Variants in TCOF1 observed in about 807,000 individuals in gnomAD.
The protein encoded by TCOF1 is treacle ribosome biogenesis factor 1.
A neutral mutation model predicts 149.0 loss-of-function variants in TCOF1; 33 were observed. The observed-to-expected ratio is 0.22, with a 90% confidence interval of 0.17 to 0.30. The LOEUF (loss-of-function observed/expected upper bound fraction) is 0.30. TCOF1 is among the 10% of genes least tolerant of loss of function. The pLI is 1.00. For missense variants in TCOF1, 1,728 were observed against 1,840.7 expected (o/e 0.94, Z 1.12); for synonymous variants, 789 against 738.8 (o/e 1.07, Z -1.10).
intron 14 of TCOF1, 104 bp downstream of exon 14, chr5:150,376,724 G>T (rs1763896310): frequency 1.7e-6 from 2 of 1,210,492 alleles, no homozygotes; most frequent in Non-Finnish European, 2.4e-6. Context: ...GTGTGCAGAA[G>T]CCTCAGAGGT....
intron 5 of TCOF1, 144 bp downstream of exon 5, chr5:150,369,046 C>A: frequency 9.0e-7 from 1 of 1,109,734 alleles, no homozygotes; most frequent in Admixed American, 2.0e-5. Context: ...TAGGACTTTT[C>A]TCATCACCTA....
chr5:150,398,320 C>T (rs1769009667), intron 24 of TCOF1, 34 bp from the exon 25 acceptor site: 2 of 1,612,286 alleles, frequency 1.2e-6, no homozygotes, highest in Non-Finnish European at 1.7e-6. Context: ...GGATTACCAT[C>T]TGTTGTTCAG....
chr5:150,374,926 T>C (rs1344695587), intron 9 of TCOF1, 28 bp from the exon 10 acceptor site: 2 of 1,611,510 alleles, frequency 1.2e-6, no homozygotes, highest in Non-Finnish European at 8.5e-7. Context: ...CCCTCTGGGC[T>C]CTCCCCTCAT....
chr5:150,366,267 T>C (rs924313893), intron 3 of TCOF1, among the ~76,000 whole-genome samples: 1 of 152,090 alleles, frequency 6.6e-6, no homozygotes, highest in Non-Finnish European at 1.5e-5. Context: ...AGGAGAATCA[T>C]GTGAGTCCAG....
Position 150,368,950 on chromosome 5 carries a change from G to T in TCOF1, c.565+48G>T, listed in dbSNP as rs1339814781. On this transcript the variant is annotated intron_variant, in intron 5 of 26. Transcript: ENST00000643257. The stretch of plus-strand genomic sequence containing the variant: ...AACCTAGTCCCCAGAACTTGGGCTG[G>T]TGAGGCAGGCCTAGGCATTGCTTTA... 3.1e-6 allele frequency: 5 copies of T among 1,605,602 alleles called. No homozygotes were observed. The South Asian group carries it at 5.5e-5, about 18-fold the overall frequency.
At chr5:150,384,253 A>C (rs904378053) in intron 17 of TCOF1, 58 of 990,830 alleles carry the variant, frequency 5.9e-5, no homozygotes, top group Admixed American at 2.4e-4. Flanking sequence ...ACCACCACCA[A>C]CATCGGTAAC....
chr5:150,379,153 A>T, intron 15 of TCOF1, 76 bp from the exon 16 acceptor site: 1 of 1,614,038 alleles, frequency 6.2e-7, no homozygotes, highest in Non-Finnish European at 8.5e-7. Flanking sequence ...ACCCACCCAG[A>T]GTTGTGCCAT....
At chr5:150,364,847 T>G (rs1219985730) in intron 3 of TCOF1, 1 of 153,520 alleles carries the variant, frequency 6.5e-6, no homozygotes, top group Middle Eastern at 3.2e-3. Flanking sequence ...TTGCATCGTA[T>G]TATCTTCTTT....
chr5:150,373,754 C>T (rs1426981478), intron 7 of TCOF1, among the ~76,000 whole-genome samples: 1 of 152,230 alleles, frequency 6.6e-6, no homozygotes, highest in Non-Finnish European at 1.5e-5. Context: ...GGCCTTTGCA[C>T]ACCCCCTCCC....
intron 19 of TCOF1, 25 bp downstream of exon 19, chr5:150,390,048 A>G: frequency 3.8e-6 from 6 of 1,589,330 alleles, no homozygotes; most frequent in Non-Finnish European, 5.1e-6. Context: ...AGGGAGGGTA[A>G]TGCAGGCCAG....
In TCOF1 at chr5:150,400,165, C is replaced by T. The variant is rs1379293623; in HGVS notation, c.*378C>T. On this transcript the variant is annotated 3_prime_UTR_variant, in exon 27 of 27. Coordinates refer to ENST00000643257, the MANE Select transcript of TCOF1 (RefSeq NM_001371623.1). ...AGATCCAGCTAGGCCTGACCTGTGC[C>T]TCATCCCGTGCCGCTCGGTCTCTGG... 1 of 152,202 alleles carries T rather than the reference C, an allele frequency of 6.6e-6. No homozygotes were observed. Among genetic ancestry groups the T allele is most frequent in the African/African-American group, 2.4e-5 (1 of 41,444 alleles). The allele number at this position is 152,202 out of a possible 1,614,324, so 9.4% of individuals were successfully genotyped here.
At chr5:150,369,473 G>C in intron 5 of TCOF1, 56 bp from the exon 6 acceptor site, 2 of 1,602,066 alleles carry the variant, frequency 1.2e-6, no homozygotes, top group Non-Finnish European at 1.7e-6. Flanking sequence ...GTGCTGGGGA[G>C]GGGCAGGTGA....
chr5:150,383,279 A>C, intron 17 of TCOF1: 1 of 852,132 alleles, frequency 1.2e-6, no homozygotes, highest in Non-Finnish European at 1.8e-6. Context: ...CCATATTTAA[A>C]CAGCACCTCA....
rs557503922 is a variant in TCOF1 at position 150,379,784 on chromosome 5, G to T, written c.2859+52G>T. 1,322 of 1,592,772 alleles carry T rather than the reference G, an allele frequency of 8.3e-4. 1 individual carries two copies. The highest frequency in any genetic ancestry group is 1.1e-3 in the Non-Finnish European group (1,259 of 1,169,024). ...CCAACACTCACTCCTCAGAACGGGG[G>T]TATAGGGCTGGGCGTGGTGGCTCAC... is the stretch of plus-strand genomic sequence containing the variant. On this transcript the variant is annotated intron_variant, in intron 17 of 26. Transcript: ENST00000643257.
intron 4 of TCOF1, chr5:150,368,342 A>C (rs569501912): frequency 5.6e-6 from 2 of 356,056 alleles, no homozygotes; most frequent in East Asian, 1.3e-4. Context: ...ACAAGGTGTC[A>C]TTTTCTAATA....
rs1242525731 is a variant in TCOF1, at chr5:150,390,039, G to A, written c.3183+16G>A. ...AGCCACTCAGGTACCTGGTGGGCAA[G>A]GGAGGGTAATGCAGGCCAGTGGGGT... On this transcript the variant is annotated intron_variant, in intron 19 of 26. Transcript: ENST00000643257. 2.5e-6 allele frequency: 4 copies of A among 1,598,468 alleles called. No homozygotes were observed. In the East Asian group the frequency reaches 9.2e-5, roughly 37 times the overall value.
At chr5:150,393,287 T>C (rs1767799997) in intron 22 of TCOF1, 85 bp from the exon 23 acceptor site, 4 of 1,572,192 alleles carry the variant, frequency 2.5e-6, no homozygotes, top group African/African-American at 2.7e-5. Context: ...CCCAGGCTGC[T>C]TTCCTCACAG....
rs1330952071 is a variant in TCOF1 at position 150,392,417 on chromosome 5, C to T, written c.3517+241C>T. 9.8e-6 allele frequency: 6 copies of T among 609,830 alleles called. No individual in the cohort carries two copies. In the Admixed American group the frequency reaches 1.2e-4, roughly 12 times the overall value. 37.8% of individuals were successfully genotyped at this position (609,830 alleles called of 1,614,324 possible). On this transcript the variant is annotated intron_variant, in intron 21 of 26. Coordinates refer to ENST00000643257, the MANE Select transcript of TCOF1 (RefSeq NM_001371623.1). ...TGGTATCAGACTCCCTTCACTGGCT[C>T]CCAAAAACTCCAGGGCCATGTTTCT...
Position 150,393,649 on chromosome 5 carries a change from G to T in TCOF1, c.3784+97G>T. 5 of 1,507,392 alleles carry T rather than the reference G, an allele frequency of 3.3e-6. No individual in the cohort carries two copies. The South Asian group carries it at 3.5e-5, about 11-fold the overall frequency. 93.4% of individuals were successfully genotyped at this position (1,507,392 alleles called of 1,614,324 possible). ...CTGTAGCAACAGTCCTCCCAACATG[G>T]TCCTGTCTGCCCCCAGAGCCTCTCC... On this transcript the variant is annotated intron_variant, in intron 23 of 26. Coordinates refer to ENST00000643257, the MANE Select transcript of TCOF1 (RefSeq NM_001371623.1).
Sources: gnomAD v4.1 joint callset for allele counts (sites outside exome capture counted in the v4.1 genomes callset) on GRCh38, gnomAD v4.1.1 for gene constraint, MANE v1.5 for transcripts, NCBI Gene and HGNC (gene_info 2026-07-23, HGNC 2026-07-21) for gene names.